The following RNGTT variants were observed in gnomAD, a reference collection of about 807,000 sequenced individuals.
RNGTT encodes the protein RNA guanylyltransferase and 5'-phosphatase, also known as mRNA-capping enzyme.
A neutral mutation model predicts 79.3 loss-of-function variants in RNGTT; 33 were observed. The ratio of observed to expected loss-of-function variants is 0.42; its 90% confidence interval spans 0.32 to 0.56. The LOEUF is 0.56. Ranked by LOEUF, RNGTT falls within the 20% of genes least tolerant of loss-of-function variation. The pLI is 0.17. For synonymous variants in RNGTT, 222 were observed against 235.9 expected, an observed-to-expected ratio of 0.94 and a Z score of 0.54; for missense variants, 497 against 739.1, an observed-to-expected ratio of 0.67 and a Z score of 3.80.
intron 12 of RNGTT, among the ~76,000 whole-genome samples, chr6:88,774,262 G>A (rs867826952): frequency 2.0e-5 from 3 of 151,862 alleles, no homozygotes; most frequent in Non-Finnish European, 4.4e-5. Flanking sequence ...AAAATCAAAT[G>A]GAGATACCAC....
At chr6:88,707,574 T>C (rs1178617985) in intron 13 of RNGTT, among the ~76,000 whole-genome samples, 2 of 152,098 alleles carry the variant, frequency 1.3e-5, no homozygotes, top group African/African-American at 4.8e-5. Flanking sequence ...ACCCATTTAA[T>C]GCTTCAAAGT....
Position 88,614,280 on chromosome 6 carries a change from G to A in RNGTT, c.1622C>T (p.Thr541Ile), listed in dbSNP as rs772342006. Residue 541 changes from threonine to isoleucine, a missense_variant, in exon 15 of 16, where the codon ACT (threonine) becomes ATT (isoleucine). Physicochemically the swap from Thr to Ile is moderately conservative, Grantham distance 89. Transcript: ENST00000369485. ...TDKSFPNAYN[T>I]AMAVCNSISN... ...TAAGTTGTCATACTCACCCATGGCAGTGTTGTAGGCATTAGGAAAACTTTT... is the reference window on the plus strand; with the variant it reads ...TAAGTTGTCATACTCACCCATGGCAATGTTGTAGGCATTAGGAAAACTTTT... 6 of 1,613,724 alleles carry A rather than the reference G, an allele frequency of 3.7e-6. No homozygotes were observed. The African/African-American group carries it at 8.0e-5, about 22-fold the overall frequency.
chr6:88,813,748 TCTC>T (rs768144103), intron 11 of RNGTT, among the ~76,000 whole-genome samples: 32 of 152,242 alleles, frequency 2.1e-4, no homozygotes, highest in Non-Finnish European at 4.3e-4. Context: ...CCCAAAAACT[TCTC>T]CTAATCTCTA....
intron 6 of RNGTT, among the ~76,000 whole-genome samples, chr6:88,899,636 T>C (rs1251920085): frequency 1.3e-5 from 2 of 152,078 alleles, no homozygotes; most frequent in African/African-American, 2.4e-5. Context: ...AAGAATTCAT[T>C]TGAAGACCTC....
chr6:88,897,756 A>G (rs780324553), intron 6 of RNGTT, among the ~76,000 whole-genome samples: 69 of 152,286 alleles, frequency 4.5e-4, no homozygotes, highest in Non-Finnish European at 2.1e-4. Flanking sequence ...CACCAAACCT[A>G]GATTACTTGT....
intron 12 of RNGTT, among the ~76,000 whole-genome samples, chr6:88,785,332 G>C (rs1425957025): frequency 6.6e-6 from 1 of 151,804 alleles, no homozygotes; most frequent in Non-Finnish European, 1.5e-5. Flanking sequence ...ATCTAGCTGA[G>C]ACTGATTACA....
intron 11 of RNGTT, among the ~76,000 whole-genome samples, chr6:88,835,975 AACACACACACACACACACACACACAC>A (rs72228554): frequency 3.5e-5 from 4 of 113,772 alleles, no homozygotes; most frequent in African/African-American, 1.4e-4. Flanking sequence ...CTCTATTAAA[AACACACACACACACACACACACACAC>A]ACACACACAC....
intron 13 of RNGTT, among the ~76,000 whole-genome samples, chr6:88,719,544 TA>T (rs1776634592): frequency 6.6e-6 from 1 of 152,194 alleles, no homozygotes; most frequent in Non-Finnish European, 1.5e-5. Context: ...ACATTTGTAA[TA>T]AAAACAAATA....
At chr6:88,690,293 T>A (rs1463083640) in intron 13 of RNGTT, among the ~76,000 whole-genome samples, 1 of 152,124 alleles carries the variant, frequency 6.6e-6, no homozygotes, top group Non-Finnish European at 1.5e-5. Context: ...CAGATTTTAA[T>A]AAATGTCCTA....
intron 4 of RNGTT, among the ~76,000 whole-genome samples, chr6:88,909,651 CTA>C (rs1369712692): frequency 6.6e-6 from 1 of 152,194 alleles, no homozygotes; most frequent in East Asian, 1.9e-4. Flanking sequence ...TAAGAACAGA[CTA>C]TGAGAGAAAG....
intron 13 of RNGTT, among the ~76,000 whole-genome samples, chr6:88,763,958 T>C (rs1339788236): frequency 6.6e-6 from 1 of 152,194 alleles, no homozygotes; most frequent in East Asian, 1.9e-4. Context: ...CTGCAGCAAG[T>C]TCATGCTATA....
chr6:88,737,226 C>G (rs192327021), intron 13 of RNGTT, among the ~76,000 whole-genome samples: 1 of 152,288 alleles, frequency 6.6e-6, no homozygotes, highest in East Asian at 1.9e-4. Flanking sequence ...CTGATTTCTC[C>G]TTCTTAGAAT....
intron 11 of RNGTT, among the ~76,000 whole-genome samples, chr6:88,819,995 AC>A (rs563824336): frequency 6.6e-6 from 1 of 152,090 alleles, no homozygotes; most frequent in South Asian, 2.1e-4. Flanking sequence ...AATTCTCAGC[AC>A]TGCAATATGA....
chr6:88,664,534 T>C (rs1281245956), intron 14 of RNGTT, among the ~76,000 whole-genome samples: 1 of 152,198 alleles, frequency 6.6e-6, no homozygotes, highest in Non-Finnish European at 1.5e-5. Context: ...GGTGAAATGC[T>C]GACCTACTAG....
intron 12 of RNGTT, among the ~76,000 whole-genome samples, chr6:88,788,790 T>C (rs1043968303): frequency 6.6e-6 from 1 of 152,224 alleles, no homozygotes; most frequent in Admixed American, 6.5e-5. Context: ...TAATCTACTT[T>C]GTTTGAATCC....
chr6:88,918,523 C>A (rs1784068411), intron 4 of RNGTT, among the ~76,000 whole-genome samples: 1 of 151,850 alleles, frequency 6.6e-6, no homozygotes, highest in Non-Finnish European at 1.5e-5. Flanking sequence ...TTTACAGGCT[C>A]AGGACAAGAA....
At chr6:88,777,798 C>T (rs562440108) in intron 12 of RNGTT, among the ~76,000 whole-genome samples, 1 of 152,186 alleles carries the variant, frequency 6.6e-6, no homozygotes, top group South Asian at 2.1e-4. Flanking sequence ...TTTTTCTTGT[C>T]TGATTGCTCT....
chr6:88,717,535 AGAAG>A (rs1776560923), intron 13 of RNGTT, among the ~76,000 whole-genome samples: 2 of 152,248 alleles, frequency 1.3e-5, no homozygotes, highest in South Asian at 4.1e-4. Flanking sequence ...TGTTTTCAGA[AGAAG>A]GAGAGAAGGT....
intron 1 of RNGTT, among the ~76,000 whole-genome samples, chr6:88,962,694 C>T (rs536189822): frequency 7.6e-4 from 115 of 151,910 alleles, no homozygotes; most frequent in African/African-American, 2.6e-3. Context: ...CGAGATCACG[C>T]CACTGCACTC....
Sources: gnomAD v4.1 joint callset for allele counts (sites outside exome capture counted in the v4.1 genomes callset) on GRCh38, gnomAD v4.1.1 for gene constraint, MANE v1.5 for transcripts, NCBI Gene and HGNC (gene_info 2026-07-23, HGNC 2026-07-21) for gene names.